The following DNAH6 variants were observed in gnomAD, a reference collection of about 807,000 sequenced individuals.
DNAH6 encodes dynein axonemal heavy chain 6, also known as axonemal beta dynein heavy chain 6.
A neutral mutation model predicts 491.4 loss-of-function variants in DNAH6; 340 were observed. The observed-to-expected ratio is 0.69, with a 90% CI of 0.63 to 0.76. The LOEUF is 0.76. DNAH6 is among the 30% of genes least tolerant of loss of function. DNAH6 has a pLI of 0.00. For missense variants in DNAH6, 4,443 were observed against 4,972.2 expected (o/e 0.89, Z 3.20); for synonymous variants, 1,603 against 1,686.1 (o/e 0.95, Z 1.21).
intron 22 of DNAH6, among the ~76,000 whole-genome samples, chr2:84,613,142 A>AGTGTGT (rs1483746880): frequency 2.0e-5 from 3 of 149,906 alleles, no homozygotes; most frequent in Non-Finnish European, 3.0e-5. Flanking sequence ...AGAGAGAGAG[A>AGTGTGT]GAGTGTGTGT....
intron 37 of DNAH6, among the ~76,000 whole-genome samples, chr2:84,668,680 C>T (rs1055489069): frequency 1.3e-5 from 2 of 152,060 alleles, no homozygotes; most frequent in African/African-American, 4.8e-5. Flanking sequence ...CACCCCATGC[C>T]ATCCCTTTTT....
chr2:84,660,279 G>A (rs1691376514), intron 37 of DNAH6, among the ~76,000 whole-genome samples: 1 of 152,116 alleles, frequency 6.6e-6, no homozygotes, highest in Admixed American at 6.6e-5. Flanking sequence ...AAGGCAGTTT[G>A]AAGAGACTTC....
intron 3 of DNAH6, among the ~76,000 whole-genome samples, chr2:84,528,297 TAAG>T (rs1676793849): frequency 1.3e-5 from 2 of 152,172 alleles, no homozygotes; most frequent in Non-Finnish European, 2.9e-5. Context: ...TGCATTTTAA[TAAG>T]AAACTCTGGT....
chr2:84,783,465 G>A (rs781093681), intron 65 of DNAH6, among the ~76,000 whole-genome samples: 48 of 152,240 alleles, frequency 3.2e-4, no homozygotes, highest in Non-Finnish European at 5.6e-4. Flanking sequence ...GAAATCATTG[G>A]CCCTAAGACT....
intron 74 of DNAH6, 127 bp from the exon 75 acceptor site, chr2:84,813,844 G>GGAACTAACTCACAGGA: frequency 1.1e-6 from 1 of 901,206 alleles, no homozygotes; most frequent in Middle Eastern, 2.2e-4. Flanking sequence ...AAGGTATTAA[G>GGAACTAACTCACAGGA]AGTTGGGTCT....
At chr2:84,468,023 T>A in the DNAH6 span, among the ~76,000 whole-genome samples, 1 of 152,238 alleles carries the variant, frequency 6.6e-6, no homozygotes, top group Non-Finnish European at 1.5e-5. Context: ...GTGGTTTATA[T>A]GACCTTAAAG....
intron 68 of DNAH6, among the ~76,000 whole-genome samples, chr2:84,793,198 A>ACACG (rs1274251862): frequency 6.7e-6 from 1 of 148,310 alleles, no homozygotes; most frequent in Non-Finnish European, 1.5e-5. Context: ...CCACACACAC[A>ACACG]CACGCATGCA....
upstream of DNAH6, among the ~76,000 whole-genome samples, chr2:84,512,613 C>G (rs937208688): frequency 6.6e-6 from 1 of 152,174 alleles, no homozygotes; most frequent in South Asian, 2.1e-4. Context: ...TCTTCAACTG[C>G]TGTTGTTGAA....
At chr2:84,597,162 A>G (rs1684672654) in intron 18 of DNAH6, among the ~76,000 whole-genome samples, 1 of 152,226 alleles carries the variant, frequency 6.6e-6, no homozygotes, top group South Asian at 2.1e-4. Flanking sequence ...AGAATATTAT[A>G]TAAATGAAAT....
Position 84,707,472 on chromosome 2 carries a change from T to C in DNAH6, c.8852-48T>C, listed in dbSNP as rs1451659053. ...ACAGGTAAATAAGCTTTTAATACTT[T>C]ATGAAAATATTTAATAGTATAATCT... is the stretch of plus-strand genomic sequence containing the variant. On this transcript the variant is annotated intron_variant, in intron 53 of 76. Transcript: ENST00000389394. 5 of 1,459,126 alleles carry C rather than the reference T, an allele frequency of 3.4e-6. No homozygotes were observed. In the Admixed American group the frequency reaches 1.3e-4, roughly 38 times the overall value. 90.4% of individuals were successfully genotyped at this position (1,459,126 alleles called of 1,614,324 possible). A position where few individuals can be genotyped will look rare whatever the true frequency, so the allele number is the denominator to read the frequency against.
intron 45 of DNAH6, among the ~76,000 whole-genome samples, chr2:84,689,730 C>G (rs113126498): frequency 0.014 from 2,181 of 152,268 alleles, 46 homozygotes; most frequent in African/African-American, 0.049. Context: ...GCAAGTAGGA[C>G]CAGAGGCATT....
intron 70 of DNAH6, among the ~76,000 whole-genome samples, chr2:84,802,882 A>T (rs1397845242): frequency 6.6e-6 from 1 of 152,250 alleles, no homozygotes; most frequent in East Asian, 1.9e-4. Context: ...AGTGGAATAT[A>T]ATTAGAAATC....
At chr2:84,772,309 C>T (rs549027725) in intron 64 of DNAH6, among the ~76,000 whole-genome samples, 29 of 152,056 alleles carry the variant, frequency 1.9e-4, no homozygotes, top group African/African-American at 6.5e-4. Context: ...AAGGATATGA[C>T]ATGTAAAAAA....
chr2:84,711,038 T>C (rs1347875799), intron 56 of DNAH6, among the ~76,000 whole-genome samples: 1 of 151,900 alleles, frequency 6.6e-6, no homozygotes, highest in African/African-American at 2.4e-5. Flanking sequence ...TAGCTTACAA[T>C]TGAGGTGGGG....
Position 84,588,935 on chromosome 2 carries a change from C to T in DNAH6, c.2591C>T (p.Ser864Phe). The change falls in exon 16 of 77, where the codon TCC becomes TTC. Residue 864 changes from serine to phenylalanine, a missense_variant. Ser to Phe is a radical substitution (Grantham distance 155, BLOSUM62 -2). Transcript: ENST00000389394. ...DLQKRAFQYK[S>F]YQKNFKVEVS... is the part of the protein sequence containing the mutation. The stretch of plus-strand genomic sequence containing the variant: ...CAGAAACGTGCATTTCAGTATAAGT[C>T]CTATCAGAAGAATTTTAAGGTAATG... 1 of 1,545,866 alleles carries T rather than the reference C, an allele frequency of 6.5e-7. No homozygotes were observed. The highest frequency in any genetic ancestry group is 8.7e-7 in the Non-Finnish European group (1 of 1,145,412).
Position 84,762,825 on chromosome 2 carries a change from A to ACCTG in DNAH6, c.10587_10590dup (p.Thr3531AlafsTer54). The ACCTG allele has an allele frequency of 6.4e-7, 1 of 1,551,244 alleles. No homozygotes were observed. The highest frequency in any genetic ancestry group is 8.7e-7 in the Non-Finnish European group (1 of 1,146,664). On this transcript the variant is annotated frameshift_variant, in exon 64 of 77. Coordinates refer to ENST00000389394, the MANE Select transcript of DNAH6 (RefSeq NM_001370.2). LOFTEE classifies it high-confidence loss of function. Reference sequence around the variant, plus strand: ...CAGTTTATAGAGACACCACCTGTGGACCTGCCTACCCTGTATCAAGACATG... The same window carrying ACCTG: ...CAGTTTATAGAGACACCACCTGTGGACCTGCCTGCCTACCCTGTATCAAGACATG...
chr2:84,621,093 C>T (rs1044630973), intron 24 of DNAH6, 98 bp from the exon 25 acceptor site: 5 of 1,253,150 alleles, frequency 4.0e-6, no homozygotes, highest in African/African-American at 3.0e-5. Context: ...CAGGCTTCAG[C>T]GTTTATGTAG....
rs1683297850 is a variant in DNAH6 at position 84,584,014 on chromosome 2, G to A, written c.2245G>A (p.Asp749Asn). Residue 749 changes from aspartate (D) to asparagine (N), a missense_variant, in exon 15 of 77, where the codon GAT (aspartate) becomes AAT (asparagine). Physicochemically the swap from Asp to Asn is conservative, Grantham distance 23. This residue lies in a region of DNAH6 where 2,977 missense variants were observed against 3,296.6 expected (regional missense o/e 0.90). Transcript: ENST00000389394. Reference protein sequence around the residue: ...EIQERIESLEDEGNIVTQMYK... With the variant: ...EIQERIESLENEGNIVTQMYK... ...TTCCATTTAGATTGAAAGCCTTGAAGATGAGGGGAATATAGTGACTCAAAT... is the reference window on the plus strand; with the variant it reads ...TTCCATTTAGATTGAAAGCCTTGAAAATGAGGGGAATATAGTGACTCAAAT... 6.2e-7 allele frequency: 1 copy of A among 1,613,678 alleles called. No individual in the cohort carries two copies. Among genetic ancestry groups the A allele is most frequent in the Non-Finnish European group, 8.5e-7 (1 of 1,179,754 alleles).
At chr2:84,720,622 T>C (rs1180101401) in intron 59 of DNAH6, among the ~76,000 whole-genome samples, 6 of 152,100 alleles carry the variant, frequency 3.9e-5, no homozygotes, top group Admixed American at 2.6e-4. Context: ...GGAGGATTAT[T>C]TTTATAAATC....
Sources: allele counts gnomAD v4.1 joint callset (sites outside exome capture counted in the v4.1 genomes callset), GRCh38; gene constraint gnomAD v4.1.1; regional missense constraint gnomAD v4.1.1; transcripts MANE v1.5; gene names NCBI Gene and HGNC (gene_info 2026-07-23, HGNC 2026-07-21).